Variants in DCAF8L2 observed in about 807,000 individuals in gnomAD.
DCAF8L2 encodes DDB1 and CUL4 associated factor 8 like 2.
For synonymous variants in DCAF8L2, 200 were observed against 190.9 expected (o/e 1.05, Z -0.39); for missense variants, 430 against 490.7 (o/e 0.88, Z 1.17).
the DCAF8L2 span, among the ~76,000 whole-genome samples, chrX:27,522,195 T>A: frequency 9.0e-6 from 1 of 111,294 alleles, no homozygotes; most frequent in Admixed American, 9.6e-5. Flanking sequence ...GCCCAGCTAA[T>A]TTTGTATTTT....
chrX:27,709,326 A>G (rs772476467), intron 3 of DCAF8L2, among the ~76,000 whole-genome samples: 341 of 112,637 alleles, frequency 3.0e-3, no homozygotes, highest in Non-Finnish European at 4.8e-3. Context: ...TTTTCCGTAC[A>G]TTTTGTTGTA....
intron 1 of DCAF8L2, among the ~76,000 whole-genome samples, chrX:27,590,991 T>TTATATATATATATATATATATA (rs10571931): frequency 0.017 from 1,145 of 67,819 alleles, 42 homozygotes; most frequent in Non-Finnish European, 0.025. Flanking sequence ...CCTTTACATT[T>TTATATATATATATATATATATA]TATATATATA....
intron 2 of DCAF8L2, among the ~76,000 whole-genome samples, chrX:27,669,685 C>T (rs761363285): frequency 7.4e-5 from 8 of 107,731 alleles, no homozygotes; most frequent in African/African-American, 2.7e-4. Flanking sequence ...CAAGTGTTCT[C>T]ATTGTTCAAT....
At chrX:27,608,441 C>T (rs1927008711) in intron 1 of DCAF8L2, among the ~76,000 whole-genome samples, 1 of 111,251 alleles carries the variant, frequency 9.0e-6, no homozygotes. Flanking sequence ...ATAATATAAT[C>T]TGGTGAGCAT....
chrX:27,707,991 A>G (rs774911686), intron 3 of DCAF8L2, among the ~76,000 whole-genome samples: 6 of 110,805 alleles, frequency 5.4e-5, no homozygotes, highest in Non-Finnish European at 1.1e-4. Context: ...TTCTTATTTT[A>G]TTTTACTTTA....
intron 4 of DCAF8L2, among the ~76,000 whole-genome samples, chrX:27,744,143 G>T (rs962200448): frequency 9.0e-6 from 1 of 111,595 alleles, no homozygotes; most frequent in African/African-American, 3.3e-5. Context: ...TTTCTCGGGA[G>T]TATCACAGGA....
intron 2 of DCAF8L2, among the ~76,000 whole-genome samples, chrX:27,664,401 C>G (rs1387253005): frequency 9.0e-6 from 1 of 111,518 alleles, no homozygotes; most frequent in Admixed American, 9.6e-5. Flanking sequence ...GAGAGGTGAT[C>G]AACTTGAAGA....
At chrX:27,627,435 CA>C (rs1928062976) in intron 1 of DCAF8L2, 1 of 110,188 alleles carries the variant, frequency 9.1e-6, no homozygotes, top group Admixed American at 9.8e-5. Context: ...TGCAAACACC[CA>C]TGATCCCATC....
intron 3 of DCAF8L2, among the ~76,000 whole-genome samples, chrX:27,692,766 T>C (rs1263839871): frequency 9.0e-6 from 1 of 111,408 alleles, no homozygotes; most frequent in Non-Finnish European, 1.9e-5. Flanking sequence ...AGGGGACAAC[T>C]GGAAAGTTTC....
intron 2 of DCAF8L2, among the ~76,000 whole-genome samples, chrX:27,667,722 TAAAAA>T (rs200623004): frequency 0.018 from 2,062 of 112,326 alleles, 37 homozygotes; most frequent in African/African-American, 0.062. Context: ...TCAGGATACT[TAAAAA>T]TAGAAAGCAA....
chrX:27,710,621 A>AT (rs1020904406), intron 3 of DCAF8L2, among the ~76,000 whole-genome samples: 11 of 111,878 alleles, frequency 9.8e-5, no homozygotes, highest in African/African-American at 3.6e-4. Flanking sequence ...AAAGTCACTT[A>AT]TTTTTTCTAG....
chrX:27,666,289 T>C (rs2147218927), intron 2 of DCAF8L2, among the ~76,000 whole-genome samples: 1 of 112,269 alleles, frequency 8.9e-6, no homozygotes, highest in Non-Finnish European at 1.9e-5. Flanking sequence ...ACAGTTTTTA[T>C]TTAATAAGGA....
chrX:27,470,950 G>C, the DCAF8L2 span, among the ~76,000 whole-genome samples: 1 of 111,378 alleles, frequency 9.0e-6, no homozygotes, highest in African/African-American at 3.3e-5. Flanking sequence ...TGATTACTGA[G>C]AGTAGGTATA....
Position 27,613,025 on chromosome X carries a change from A to G in DCAF8L2, c.-341-18854A>G, listed in dbSNP as rs1345157743. On this transcript the variant is annotated intron_variant, in intron 1 of 4. Transcript: ENST00000451261. ...GCTTGATGAGGATGGCATTGAATCT[A>G]TAAATTACTTTGGGCAGTATGGCCA... Among the ~76,000 whole-genome samples the G allele has an allele frequency of 4.5e-5, 5 of 111,934 alleles. No homozygotes were observed. The East Asian group carries it at 1.4e-3, about 31-fold the overall frequency.
At chrX:27,581,589 ATTT>A in the DCAF8L2 span, among the ~76,000 whole-genome samples, 1 of 95,141 alleles carries the variant, frequency 1.1e-5, no homozygotes. Flanking sequence ...ATTTAATACA[ATTT>A]TTTTTTTTTT....
At chrX:27,572,637 A>T in the DCAF8L2 span, among the ~76,000 whole-genome samples, 1 of 112,183 alleles carries the variant, frequency 8.9e-6, no homozygotes, top group South Asian at 3.7e-4. Flanking sequence ...AGGTTGTCGG[A>T]CATGTGCAGG....
At chrX:27,546,244 C>A in the DCAF8L2 span, among the ~76,000 whole-genome samples, 1 of 112,080 alleles carries the variant, frequency 8.9e-6, no homozygotes, top group Admixed American at 9.5e-5. Flanking sequence ...CCTTTGACTT[C>A]ATGTCTCACA....
intron 3 of DCAF8L2, among the ~76,000 whole-genome samples, chrX:27,710,447 A>T (rs1468150431): frequency 9.0e-6 from 1 of 111,526 alleles, no homozygotes; most frequent in East Asian, 2.8e-4. Context: ...AATTTATTTA[A>T]ATATTCTCTA....
the DCAF8L2 span, among the ~76,000 whole-genome samples, chrX:27,528,434 G>A: frequency 7.2e-5 from 7 of 97,545 alleles, no homozygotes; most frequent in Admixed American, 4.6e-4. Context: ...ACATATATAT[G>A]TATGTGTATA....
Sources: allele counts gnomAD v4.1 joint callset (sites outside exome capture counted in the v4.1 genomes callset), GRCh38; gene constraint gnomAD v4.1.1; transcripts MANE v1.5; gene names NCBI Gene and HGNC (gene_info 2026-07-23, HGNC 2026-07-21).